SEMA4B: variants seen among roughly 807,000 people sequenced by gnomAD.
SEMA4B encodes semaphorin-4B.
SEMA4B carries 55 observed loss-of-function variants against 88.1 expected under a neutral mutation model. The ratio of observed to expected loss-of-function variants is 0.62; its 90% confidence interval spans 0.50 to 0.78. The LOEUF is 0.78. Ranked by LOEUF, SEMA4B falls within the 30% of genes least tolerant of loss-of-function variation. The pLI is 0.00. For synonymous variants in SEMA4B, 525 were observed against 473.6 expected (o/e 1.11, Z -1.41); for missense variants, 1,062 against 1,111.9 (o/e 0.96, Z 0.64).
At chr15:90,223,534 C>T in intron 7 of SEMA4B, 25 bp from the exon 8 acceptor site, 1 of 1,550,158 alleles carries the variant, frequency 6.5e-7, no homozygotes, top group Admixed American at 1.9e-5. Flanking sequence ...GTGCCTAAGC[C>T]CAGCCCATCC....
Position 90,224,980 on chromosome 15 carries a change from A to G in SEMA4B, c.1207A>G (p.Ser403Gly). 2 of 1,613,890 alleles carry G rather than the reference A, an allele frequency of 1.2e-6. No individual in the cohort carries two copies. The highest frequency in any genetic ancestry group is 1.7e-6 in the Non-Finnish European group (2 of 1,179,834). The part of the protein sequence containing the change: ...TPRPGACITN[S>G]ARERKINSSL... Reference sequence around the variant, plus strand: ...CTTTCTCCTCCAGTGCATCACCAACAGTGCCCGGGAAAGGAAGATCAACTC... The same window carrying G: ...CTTTCTCCTCCAGTGCATCACCAACGGTGCCCGGGAAAGGAAGATCAACTC... The change falls in exon 10 of 14, where the codon AGT (serine) becomes GGT (glycine). Residue 403 changes from serine (S) to glycine (G), a missense_variant. By Grantham distance (56) the Ser-to-Gly change is moderately conservative. Coordinates refer to ENST00000411539, the MANE Select transcript of SEMA4B (RefSeq NM_198925.4).
rs533641829 is a variant in SEMA4B, at chr15:90,212,747, A to C, written c.158-4692A>C. On this transcript the variant is annotated intron_variant, in intron 1 of 13. Transcript: ENST00000411539. The surrounding 1 kb of genome is among the most constrained non-coding windows in gnomAD (Gnocchi z 4.0). ...GACCCAAGCACCTGGGCCCTTAGAC[A>C]GTAACACCACTCACACCGAGCACAG... is the stretch of plus-strand genomic sequence containing the variant. Among the ~76,000 whole-genome samples the C allele has an allele frequency of 6.6e-6, 1 of 152,312 alleles. No homozygotes were observed. Among genetic ancestry groups the C allele is most frequent in the East Asian group, 1.9e-4 (1 of 5,186 alleles).
chr15:90,227,703 C>T, intron 13 of SEMA4B, 61 bp downstream of exon 13: 1 of 1,555,690 alleles, frequency 6.4e-7, no homozygotes, highest in South Asian at 1.1e-5. Context: ...TGGAAGGCTC[C>T]CCCAGGCACA....
chr15:90,217,525 C>A lies in SEMA4B; in HGVS notation c.244C>A (p.Leu82Met). Residue 82 changes from leucine (L) to methionine (M), a missense_variant, in exon 2 of 14, where the codon CTG becomes ATG. Leu to Met is a conservative substitution (Grantham distance 15). Coordinates refer to ENST00000411539, the MANE Select transcript of SEMA4B (RefSeq NM_198925.4). The stretch of plus-strand genomic sequence containing the variant: ...TCTGCTGAGCAGGGATGGCAGGACC[C>A]TGTACGTGGGTGCTCGAGAGGCCCT... ...ALLLSRDGRTLYVGAREALFA... is the reference protein window; with the variant it reads ...ALLLSRDGRTMYVGAREALFA... 6.2e-7 allele frequency: 1 copy of A among 1,613,996 alleles called. No individual in the cohort carries two copies. The highest frequency in any genetic ancestry group is 8.5e-7 in the Non-Finnish European group (1 of 1,179,890).
At position 90,228,469 on chromosome 15, in the gene SEMA4B, C is replaced by T; in HGVS notation, c.2340C>T (p.Thr780=). 6.2e-7 allele frequency: 1 copy of T among 1,610,112 alleles called. No homozygotes were observed. The highest frequency in any genetic ancestry group is 8.5e-7 in the Non-Finnish European group (1 of 1,178,784). The part of the protein sequence containing the change: ...RPLNGLGPPS[T]PLDHRGYQSL... ...TCAACGGCCTAGGGCCCCCTAGCAC[C>T]CCGCTCGATCACCGAGGGTACCAGT... is the stretch of plus-strand genomic sequence containing the variant. The change falls in exon 14 of 14, where the codon ACC becomes ACT. Residue 780 remains threonine, a synonymous_variant. Transcript: ENST00000411539.
At position 90,222,003 on chromosome 15, in the gene SEMA4B, G is replaced by A. The variant is rs557758625; in HGVS notation, c.861+238G>A. Reference sequence around the variant, plus strand: ...CACCCAGGCTGGAGTGCAGTGGCACGATCACGGTTCACTGCAGCCTCGACC... The same window carrying A: ...CACCCAGGCTGGAGTGCAGTGGCACAATCACGGTTCACTGCAGCCTCGACC... On this transcript the variant is annotated intron_variant, in intron 7 of 13. Transcript: ENST00000411539. Among the ~76,000 whole-genome samples the A allele has an allele frequency of 3.3e-5, 5 of 150,914 alleles. No individual in the cohort carries two copies. The East Asian group carries it at 9.9e-4, about 30-fold the overall frequency.
chr15:90,210,513 G>A (rs1596138139), intron 1 of SEMA4B, among the ~76,000 whole-genome samples: 1 of 152,158 alleles, frequency 6.6e-6, no homozygotes, highest in African/African-American at 2.4e-5. Context: ...CAGCCAGGTG[G>A]CCCAGGGTCG....
chr15:90,202,423 C>G (rs1281691689), intron 1 of SEMA4B, among the ~76,000 whole-genome samples: 1 of 152,230 alleles, frequency 6.6e-6, no homozygotes, highest in African/African-American at 2.4e-5. Context: ...GGAGTAGCAT[C>G]CTGGTTGGCT....
intron 3 of SEMA4B, 39 bp from the exon 4 acceptor site, chr15:90,219,754 T>C: frequency 1.9e-6 from 3 of 1,543,494 alleles, no homozygotes; most frequent in Non-Finnish European, 2.7e-6. Flanking sequence ...GTGGCATGCT[T>C]GGGCGTGGGA....
At chr15:90,201,299 C>G (rs1367495348), upstream of SEMA4B, 37 of 1,127,562 alleles carry the variant, frequency 3.3e-5, no homozygotes, top group South Asian at 4.3e-5. Flanking sequence ...GGGCTCACGG[C>G]CGACTTCCTC....
At position 90,221,648 on chromosome 15, in the gene SEMA4B, G is replaced by C. The variant is rs775802318; in HGVS notation, c.744G>C (p.Glu248Asp). 1.2e-6 allele frequency: 2 copies of C among 1,613,900 alleles called. No homozygotes were observed. The highest frequency in any genetic ancestry group is 1.7e-6 in the Non-Finnish European group (2 of 1,179,900). The stretch of plus-strand genomic sequence containing the variant: ...TTGTGGCCTCAGCCTACATTCCTGA[G>C]AGCCTGGGCAGCTTGCAAGGCGATG... Reference protein sequence around the residue: ...PAFVASAYIPESLGSLQGDDD... With the variant: ...PAFVASAYIPDSLGSLQGDDD... The change falls in exon 7 of 14, where the codon GAG (glutamate) becomes GAC (aspartate). Residue 248 changes from glutamate to aspartate, a missense_variant. Transcript: ENST00000411539.
chr15:90,224,863 G>A (rs147326668), intron 9 of SEMA4B, 105 bp from the exon 10 acceptor site: 8 of 927,762 alleles, frequency 8.6e-6, no homozygotes, highest in Middle Eastern at 2.7e-4. Context: ...CCCTGGCTCC[G>A]GGCGGGGGGA....
intron 1 of SEMA4B, among the ~76,000 whole-genome samples, chr15:90,193,945 G>A (rs1323242017): frequency 1.3e-5 from 2 of 151,420 alleles, no homozygotes; most frequent in Non-Finnish European, 1.5e-5. Context: ...TCTGTCTCCC[G>A]GGTTCAAGCG....
upstream of SEMA4B, among the ~76,000 whole-genome samples, chr15:90,199,778 A>G (rs970289008): frequency 2.0e-5 from 3 of 152,044 alleles, no homozygotes; most frequent in Admixed American, 1.3e-4. Context: ...GTGAGTGGAG[A>G]TTGCACCATT....
upstream of SEMA4B, among the ~76,000 whole-genome samples, chr15:90,199,242 A>C (rs545872017): frequency 6.6e-6 from 1 of 152,276 alleles, no homozygotes; most frequent in South Asian, 2.1e-4. Flanking sequence ...CCAAGGAGGA[A>C]ACGGGGAGAA....
intron 9 of SEMA4B, among the ~76,000 whole-genome samples, chr15:90,224,592 A>G (rs1778910247): frequency 6.6e-6 from 1 of 152,200 alleles, no homozygotes; most frequent in South Asian, 2.1e-4. Context: ...AGGAAGCCTC[A>G]GGCGGGGCAG....
intron 1 of SEMA4B, among the ~76,000 whole-genome samples, chr15:90,210,356 G>A (rs1388527295): frequency 6.6e-6 from 1 of 152,176 alleles, no homozygotes; most frequent in African/African-American, 2.4e-5. Flanking sequence ...GCCAGCATCC[G>A]CGTCATTGAA....
chr15:90,204,664 A>T (rs1411140513), intron 1 of SEMA4B, among the ~76,000 whole-genome samples: 1 of 152,184 alleles, frequency 6.6e-6, no homozygotes, highest in Non-Finnish European at 1.5e-5. Flanking sequence ...GAGTAGAAAC[A>T]ATGGCGCCCA....
At chr15:90,200,826 TG>T (rs1960676197), upstream of SEMA4B, among the ~76,000 whole-genome samples, 1 of 152,224 alleles carries the variant, frequency 6.6e-6, no homozygotes, top group African/African-American at 2.4e-5. Flanking sequence ...TTGTAGTGAA[TG>T]CCCAGCCATG....
Sources: gnomAD v4.1 joint callset for allele counts (sites outside exome capture counted in the v4.1 genomes callset) on GRCh38, gnomAD v4.1.1 for gene constraint, Gnocchi (gnomAD v3.1) non-coding constraint, MANE v1.5 for transcripts, NCBI Gene and HGNC (gene_info 2026-07-23, HGNC 2026-07-21) for gene names.